The following ZDHHC15 variants were observed in gnomAD, a reference collection of about 807,000 sequenced individuals.
ZDHHC15 encodes the protein palmitoyltransferase ZDHHC15.
Under a neutral mutation model 31.7 loss-of-function variants are expected in ZDHHC15, and 19 were observed. That is an observed-to-expected ratio of 0.60 (90% CI 0.42 to 0.88). ZDHHC15 has a LOEUF of 0.88. Ranked by LOEUF, ZDHHC15 falls within the 40% of genes least tolerant of loss-of-function variation. The pLI, the probability that ZDHHC15 is intolerant of heterozygous loss-of-function variation, is 0.00. For missense variants in ZDHHC15, 209 were observed against 251.2 expected (o/e 0.83, Z 1.14); for synonymous variants, 103 against 90.0 (o/e 1.14, Z -0.82).
intron 4 of ZDHHC15, among the ~76,000 whole-genome samples, chrX:75,439,326 T>C (rs986767968): frequency 4.5e-5 from 5 of 111,985 alleles, no homozygotes; most frequent in Admixed American, 3.8e-4. Context: ...TCATTTAACA[T>C]AATCACAAAA....
At chrX:75,373,179 T>C (rs1370156898) in intron 11 of ZDHHC15, among the ~76,000 whole-genome samples, 5 of 111,989 alleles carry the variant, frequency 4.5e-5, no homozygotes, top group Non-Finnish European at 9.4e-5. Flanking sequence ...CACTGAACTA[T>C]TGAAAGTGGT....
At chrX:75,489,930 C>G (rs1282328639) in intron 2 of ZDHHC15, among the ~76,000 whole-genome samples, 1 of 112,050 alleles carries the variant, frequency 8.9e-6, no homozygotes, top group Admixed American at 9.5e-5. Flanking sequence ...GGCACAAGAA[C>G]TATGTGACGA....
intron 4 of ZDHHC15, among the ~76,000 whole-genome samples, chrX:75,437,037 A>G (rs1292858987): frequency 3.6e-5 from 4 of 110,181 alleles, no homozygotes; most frequent in Non-Finnish European, 5.7e-5. Flanking sequence ...ACCCACCACC[A>G]TGCCCGGCTA....
chrX:75,409,933 C>A (rs1230029941), intron 10 of ZDHHC15, among the ~76,000 whole-genome samples: 2 of 109,902 alleles, frequency 1.8e-5, no homozygotes, highest in African/African-American at 6.6e-5. Context: ...TCTAAGTCTA[C>A]ACATTTACAG....
chrX:75,445,445 A>AT lies in ZDHHC15; in HGVS notation c.379+5356dup, dbSNP rs779050436. Among the ~76,000 whole-genome samples the AT allele has an allele frequency of 2.9e-4, 33 of 112,166 alleles. 1 individual carries two copies. In the Admixed American group the frequency reaches 3.0e-3, roughly 10 times the overall value. On this transcript the variant is annotated intron_variant, in intron 4 of 11. Transcript: ENST00000373367. ...GTGACTATATATGATAATATTTAAC[A>AT]TTTTTGAAAAACAATGAATAAAATG...
chrX:75,418,065 G>A (rs1446613594), intron 9 of ZDHHC15, among the ~76,000 whole-genome samples: 1 of 111,889 alleles, frequency 8.9e-6, no homozygotes, highest in African/African-American at 3.2e-5. Flanking sequence ...AGAGAAGACT[G>A]ATTTTACATC....
chrX:75,422,036 A>G, intron 8 of ZDHHC15, 46 bp from the exon 9 acceptor site: 1 of 1,167,888 alleles, frequency 8.6e-7, no homozygotes, highest in Non-Finnish European at 1.1e-6. Context: ...GAAAGCAATA[A>G]AGAAACAAAT....
Position 75,417,176 on chromosome X carries a change from T to C in ZDHHC15, c.878A>G (p.His293Arg). 1 of 1,201,753 alleles carries C rather than the reference T, an allele frequency of 8.3e-7. No homozygotes were observed. ...IPIGSSPGDG[H>R]SFPMRSMNES... ...ATTCATAGACCTCATAGGGAAGGAG[T>C]GTCCATCACCAGGGCTGATGGGAAA... Residue 293 changes from histidine to arginine, a missense_variant, in exon 10 of 12, where the codon CAC becomes CGC. His to Arg is a conservative substitution (Grantham distance 29). Transcript: ENST00000373367.
intron 4 of ZDHHC15, among the ~76,000 whole-genome samples, chrX:75,442,422 A>G (rs2083955680): frequency 8.9e-6 from 1 of 111,865 alleles, no homozygotes; most frequent in South Asian, 3.8e-4. Flanking sequence ...TCAGCCCAAA[A>G]TCTCCTTAAG....
intron 4 of ZDHHC15, among the ~76,000 whole-genome samples, chrX:75,444,681 T>TACACAC (rs1414916870): frequency 5.0e-5 from 2 of 39,726 alleles, no homozygotes; most frequent in Non-Finnish European, 9.1e-5. Flanking sequence ...TATATATATA[T>TACACAC]ATATATACAC....
At chrX:75,503,636 C>T (rs1273680169) in intron 2 of ZDHHC15, among the ~76,000 whole-genome samples, 2 of 110,723 alleles carry the variant, frequency 1.8e-5, no homozygotes, top group African/African-American at 3.3e-5. Flanking sequence ...ATACTTGATC[C>T]GAGGTAGATC....
At chrX:75,514,579 G>A (rs952764134) in intron 1 of ZDHHC15, among the ~76,000 whole-genome samples, 6 of 111,729 alleles carry the variant, frequency 5.4e-5, no homozygotes, top group East Asian at 2.8e-4. Flanking sequence ...GAGCCGAAGC[G>A]GGGCGGGGCA....
At chrX:75,465,291 C>T (rs1011763156) in intron 3 of ZDHHC15, among the ~76,000 whole-genome samples, 1 of 111,699 alleles carries the variant, frequency 9.0e-6, no homozygotes, top group Non-Finnish European at 1.9e-5. Context: ...AACCACTGCT[C>T]AACAAAATCA....
chrX:75,398,476 GA>G (rs2083321335), intron 10 of ZDHHC15, among the ~76,000 whole-genome samples: 2 of 112,821 alleles, frequency 1.8e-5, no homozygotes, highest in African/African-American at 6.4e-5. Context: ...CCCAGAGGGG[GA>G]TGGACCATCA....
intron 10 of ZDHHC15, among the ~76,000 whole-genome samples, chrX:75,414,461 G>A (rs1388687193): frequency 1.7e-4 from 13 of 77,209 alleles, no homozygotes; most frequent in South Asian, 1.6e-3. Flanking sequence ...ACACAGTCTC[G>A]CTCTGTCGCA....
At chrX:75,497,326 G>T (rs955972303) in intron 2 of ZDHHC15, among the ~76,000 whole-genome samples, 1 of 111,398 alleles carries the variant, frequency 9.0e-6, no homozygotes, top group Non-Finnish European at 1.9e-5. Flanking sequence ...CAAGTAGCAA[G>T]ATAGAAAGAG....
At chrX:75,454,496 G>C (rs908406983) in intron 3 of ZDHHC15, among the ~76,000 whole-genome samples, 7 of 111,716 alleles carry the variant, frequency 6.3e-5, no homozygotes, top group Non-Finnish European at 1.1e-4. Flanking sequence ...CTAGATCCTT[G>C]AGGAATTGCC....
chrX:75,421,660 C>T (rs2083643045), intron 9 of ZDHHC15, among the ~76,000 whole-genome samples: 1 of 103,742 alleles, frequency 9.6e-6, no homozygotes, highest in Non-Finnish European at 1.9e-5. Flanking sequence ...AGTGCCACTG[C>T]ACACTGCCAC....
intron 10 of ZDHHC15, among the ~76,000 whole-genome samples, chrX:75,400,585 C>T (rs1384949459): frequency 8.9e-6 from 1 of 111,813 alleles, no homozygotes; most frequent in Non-Finnish European, 1.9e-5. Flanking sequence ...AAAACTTCCC[C>T]AACCTTGCTA....
Sources: gnomAD v4.1 joint callset for allele counts (sites outside exome capture counted in the v4.1 genomes callset) on GRCh38, gnomAD v4.1.1 for gene constraint, MANE v1.5 for transcripts, NCBI Gene and HGNC (gene_info 2026-07-23, HGNC 2026-07-21) for gene names.